Variants in CNTNAP2 observed in about 807,000 individuals in gnomAD.
CNTNAP2 encodes the protein contactin-associated protein-like 2.
A neutral mutation model predicts 155.2 loss-of-function variants in CNTNAP2; 98 were observed. The ratio of observed to expected loss-of-function variants is 0.63; its 90% CI spans 0.54 to 0.75. CNTNAP2 has a LOEUF of 0.75. CNTNAP2 is among the 30% of genes least tolerant of loss of function. The pLI, the probability that CNTNAP2 is intolerant of heterozygous loss-of-function variation, is 0.00. For synonymous variants in CNTNAP2, 651 were observed against 631.2 expected, an observed-to-expected ratio of 1.03 and a Z score of -0.47; for missense variants, 1,727 against 1,688.1, an observed-to-expected ratio of 1.02 and a Z score of -0.40.
At chr7:148,257,812 G>A (rs573127324) in intron 20 of CNTNAP2, among the ~76,000 whole-genome samples, 2 of 152,234 alleles carry the variant, frequency 1.3e-5, no homozygotes, top group Admixed American at 6.5e-5. Flanking sequence ...ACTCAAACTC[G>A]ATGTCAATAA....
At chr7:147,582,768 C>T (rs955587184) in intron 12 of CNTNAP2, among the ~76,000 whole-genome samples, 1 of 152,032 alleles carries the variant, frequency 6.6e-6, no homozygotes, top group African/African-American at 2.4e-5. Context: ...TGGTCTTATT[C>T]TTTCTGAACT....
intron 3 of CNTNAP2, among the ~76,000 whole-genome samples, chr7:146,918,099 G>T (rs146904252): frequency 1.3e-3 from 196 of 152,246 alleles, no homozygotes; most frequent in African/African-American, 4.6e-3. Flanking sequence ...GTCTCTTGAA[G>T]ACAGCAGCTA....
At chr7:148,043,017 A>G (rs1323841874) in intron 15 of CNTNAP2, among the ~76,000 whole-genome samples, 1 of 152,356 alleles carries the variant, frequency 6.6e-6, no homozygotes, top group East Asian at 1.9e-4. Context: ...AATGCTCTCC[A>G]GACAATTTCA....
chr7:146,255,459 T>C (rs930956634), intron 1 of CNTNAP2, among the ~76,000 whole-genome samples: 3 of 152,224 alleles, frequency 2.0e-5, no homozygotes, highest in South Asian at 2.1e-4. Context: ...TGATATTAGA[T>C]AACATTAGGT....
chr7:146,969,179 T>G (rs570934228), intron 3 of CNTNAP2, among the ~76,000 whole-genome samples: 1 of 152,210 alleles, frequency 6.6e-6, no homozygotes, highest in African/African-American at 2.4e-5. Context: ...TGAGAGACAG[T>G]TTGTTATAAT....
chr7:147,060,099 A>C (rs1265216028), intron 4 of CNTNAP2, among the ~76,000 whole-genome samples: 1 of 152,170 alleles, frequency 6.6e-6, no homozygotes, highest in African/African-American at 2.4e-5. Context: ...TTATTCATTC[A>C]ATCACTAAGT....
At chr7:146,923,983 A>G (rs1387610849) in intron 3 of CNTNAP2, among the ~76,000 whole-genome samples, 1 of 152,152 alleles carries the variant, frequency 6.6e-6, no homozygotes, top group African/African-American at 2.4e-5. Flanking sequence ...TCAAACATTT[A>G]AGAACTGCTT....
At chr7:148,085,347 T>C (rs1803703090) in intron 15 of CNTNAP2, among the ~76,000 whole-genome samples, 1 of 152,230 alleles carries the variant, frequency 6.6e-6, no homozygotes, top group Non-Finnish European at 1.5e-5. Context: ...TGAATTTTTC[T>C]ATTTTATAAG....
intron 11 of CNTNAP2, among the ~76,000 whole-genome samples, chr7:147,536,473 G>A (rs960260565): frequency 2.6e-5 from 4 of 152,140 alleles, no homozygotes; most frequent in Admixed American, 1.3e-4. Context: ...CAACAGTTTT[G>A]GGGGACACCA....
At chr7:146,193,394 G>T (rs1470392309) in intron 1 of CNTNAP2, among the ~76,000 whole-genome samples, 1 of 152,180 alleles carries the variant, frequency 6.6e-6, no homozygotes, top group East Asian at 1.9e-4. Flanking sequence ...TTTCCATAAG[G>T]CCTCTGAAAT....
At chr7:148,229,933 TATATATA>T (rs1341995758) in intron 20 of CNTNAP2, among the ~76,000 whole-genome samples, 154 bp downstream of exon 20, 2 of 152,188 alleles carry the variant, frequency 1.3e-5, no homozygotes, top group Admixed American at 6.5e-5. Flanking sequence ...GAAGTAGAAA[TATATATA>T]ATTCTGACAA....
intron 9 of CNTNAP2, among the ~76,000 whole-genome samples, chr7:147,351,824 A>G (rs538977558): frequency 3.9e-4 from 59 of 152,040 alleles, no homozygotes; most frequent in Non-Finnish European, 2.4e-4. Flanking sequence ...GATAAAGACT[A>G]TATGAATCTG....
intron 12 of CNTNAP2, among the ~76,000 whole-genome samples, chr7:147,595,844 A>T (rs553702388): frequency 1.3e-5 from 2 of 152,322 alleles, no homozygotes; most frequent in South Asian, 2.1e-4. Flanking sequence ...AGAATCTTAC[A>T]AGATGTCACT....
intron 14 of CNTNAP2, among the ~76,000 whole-genome samples, chr7:147,975,963 G>A (rs1194742130): frequency 1.3e-5 from 2 of 152,086 alleles, no homozygotes; most frequent in Non-Finnish European, 2.9e-5. Context: ...AGACTTTGGG[G>A]GGGTCTTATG....
chr7:148,118,148 A>G lies in CNTNAP2; in HGVS notation c.2414A>G (p.Asn805Ser), dbSNP rs1439132230. ...RNYWNAASFP[N>S]PSSYLHFSTF... Reference sequence around the variant, plus strand: ...TATTGGAATGCCGCCTCTTTCCCAAACCCATCCTCCTACCTGCACTTCTCT... The same window carrying G: ...TATTGGAATGCCGCCTCTTTCCCAAGCCCATCCTCCTACCTGCACTTCTCT... The change falls in exon 16 of 24, where the codon AAC (asparagine) becomes AGC (serine). Residue 805 changes from asparagine to serine, a missense_variant. Transcript: ENST00000361727. 1 of 1,614,118 alleles carries G rather than the reference A, an allele frequency of 6.2e-7. No individual in the cohort carries two copies. Among genetic ancestry groups the G allele is most frequent in the East Asian group, 2.2e-5 (1 of 44,876 alleles).
intron 1 of CNTNAP2, among the ~76,000 whole-genome samples, chr7:146,205,043 A>T (rs763681342): frequency 6.6e-6 from 1 of 152,070 alleles, no homozygotes; most frequent in Non-Finnish European, 1.5e-5. Flanking sequence ...AATATGAGTG[A>T]AGATATATGT....
intron 1 of CNTNAP2, among the ~76,000 whole-genome samples, chr7:146,294,613 C>G (rs1402395709): frequency 6.6e-6 from 1 of 152,096 alleles, no homozygotes; most frequent in Non-Finnish European, 1.5e-5. Context: ...ACTTACAATG[C>G]CATTGGTTTA....
chr7:148,147,390 A>G, intron 16 of CNTNAP2, 101 bp from the exon 17 acceptor site: 1 of 1,138,186 alleles, frequency 8.8e-7, no homozygotes, highest in Admixed American at 1.7e-5. Context: ...ACAGGCTTAG[A>G]TGATTTTTCC....
chr7:147,556,408 G>A (rs1484304910), intron 11 of CNTNAP2, among the ~76,000 whole-genome samples: 3 of 151,964 alleles, frequency 2.0e-5, no homozygotes, highest in Non-Finnish European at 4.4e-5. Flanking sequence ...CTAATTCATG[G>A]AACCAGTGAA....
Sources: gnomAD v4.1 joint callset for allele counts (sites outside exome capture counted in the v4.1 genomes callset) on GRCh38, gnomAD v4.1.1 for gene constraint, MANE v1.5 for transcripts, NCBI Gene and HGNC (gene_info 2026-07-23, HGNC 2026-07-21) for gene names.